HEATR4: variants seen among roughly 807,000 people sequenced by gnomAD.
The protein encoded by HEATR4 is HEAT repeat containing 4.
Under a neutral mutation model 108.8 loss-of-function variants are expected in HEATR4, and 95 were observed. The ratio of observed to expected loss-of-function variants is 0.87; its 90% CI spans 0.74 to 1.04. The LOEUF (loss-of-function observed/expected upper bound fraction) is 1.04. Among genes scored for constraint, HEATR4 ranks in the 50% least tolerant of loss-of-function variants. The pLI is 0.00. For missense variants in HEATR4, 1,152 were observed against 1,253.8 expected, an observed-to-expected ratio of 0.92 and a Z score of 1.23; for synonymous variants, 443 against 459.4, an observed-to-expected ratio of 0.96 and a Z score of 0.46.
chr14:73,492,744 T>C lies in HEATR4; in HGVS notation c.2844+322A>G. ...TATTACACAGTGGAAAACTCCCGTG[T>C]GTATCATCTGGAAGAACCCAAGTGC... is the stretch of plus-strand genomic sequence containing the variant. On this transcript the variant is annotated intron_variant, in intron 17 of 17. Coordinates refer to ENST00000553558, the MANE Select transcript of HEATR4 (RefSeq NM_001220484.1). This position sits in a 1 kb window ranked among gnomAD's most constrained non-coding sequence, Gnocchi z 4.9. 1 of 1,613,936 alleles carries C rather than the reference T, an allele frequency of 6.2e-7. No individual in the cohort carries two copies. The highest frequency in any genetic ancestry group is 1.1e-5 in the South Asian group (1 of 91,074).
chr14:73,616,344 G>T, the HEATR4 span, among the ~76,000 whole-genome samples: 5 of 151,112 alleles, frequency 3.3e-5, no homozygotes, highest in African/African-American at 1.2e-4. Flanking sequence ...TTGAGATAGA[G>T]TCTCACTCTG....
intron 17 of HEATR4, among the ~76,000 whole-genome samples, chr14:73,490,785 G>A (rs1036597200): frequency 2.6e-5 from 4 of 152,254 alleles, no homozygotes; most frequent in African/African-American, 9.6e-5. Flanking sequence ...CTCTCTGAGT[G>A]TAGATTCCTT....
At chr14:73,567,362 G>A in the HEATR4 span, among the ~76,000 whole-genome samples, 7 of 152,224 alleles carry the variant, frequency 4.6e-5, no homozygotes, top group East Asian at 1.3e-3. Flanking sequence ...TGGGCTTCTG[G>A]GTTGGGTGGG....
chr14:73,612,851 G>A, the HEATR4 span: 61 of 1,418,598 alleles, frequency 4.3e-5, no homozygotes, highest in Non-Finnish European at 5.5e-5. Flanking sequence ...GGTGCGGCTG[G>A]TGAAGCGCGA....
At chr14:73,629,410 A>C in the HEATR4 span, among the ~76,000 whole-genome samples, 1 of 152,174 alleles carries the variant, frequency 6.6e-6, no homozygotes, top group Non-Finnish European at 1.5e-5. Context: ...CCCTGTATTA[A>C]CAATTATTAT....
At chr14:73,568,464 C>G in the HEATR4 span, among the ~76,000 whole-genome samples, 2 of 151,566 alleles carry the variant, frequency 1.3e-5, no homozygotes, top group Admixed American at 6.6e-5. Flanking sequence ...GAGGCTGAGT[C>G]AGGAAGATGG....
chr14:73,478,550 C>T lies in HEATR4; in HGVS notation c.*56G>A. 1 of 1,133,472 alleles carries T rather than the reference C, an allele frequency of 8.8e-7. No individual in the cohort carries two copies. The allele number at this position is 1,133,472 out of a possible 1,614,324, so 70.2% of individuals were successfully genotyped here. On this transcript the variant is annotated 3_prime_UTR_variant, in exon 18 of 18. Coordinates refer to ENST00000553558, the MANE Select transcript of HEATR4 (RefSeq NM_001220484.1). ...GATTGTACAGTATCAATTAAAAAGA[C>T]CCAATGTGACCAGGTCCACTGCTTC...
chr14:73,608,434 AC>A, the HEATR4 span, among the ~76,000 whole-genome samples: 12 of 152,252 alleles, frequency 7.9e-5, no homozygotes, highest in African/African-American at 2.9e-4. Context: ...TCAGTTCCCA[AC>A]AAGTTCCCCA....
the HEATR4 span, among the ~76,000 whole-genome samples, chr14:73,589,562 G>A: frequency 2.0e-5 from 3 of 152,142 alleles, 1 homozygote; most frequent in South Asian, 6.2e-4. Flanking sequence ...CAAGCGATCC[G>A]CCCAACTCGG....
chr14:73,628,455 T>A, the HEATR4 span, among the ~76,000 whole-genome samples: 1 of 152,038 alleles, frequency 6.6e-6, no homozygotes, highest in Non-Finnish European at 1.5e-5. Flanking sequence ...AGTCTTAGTT[T>A]TAAAAATTGC....
intron 2 of HEATR4, among the ~76,000 whole-genome samples, chr14:73,528,411 A>AAAAAAAAT (rs1888490622): frequency 1.3e-5 from 2 of 148,628 alleles, no homozygotes; most frequent in African/African-American, 4.9e-5. Flanking sequence ...AAAAAAAAAA[A>AAAAAAAAT]AAACTTAAGG....
chr14:73,529,726 T>C (rs1414009060), intron 2 of HEATR4, among the ~76,000 whole-genome samples: 5 of 152,230 alleles, frequency 3.3e-5, no homozygotes, highest in African/African-American at 1.2e-4. Flanking sequence ...TCAAAGTAGG[T>C]TGAGTAACGT....
chr14:73,486,722 T>C (rs953490776), intron 17 of HEATR4, among the ~76,000 whole-genome samples: 13 of 152,026 alleles, frequency 8.6e-5, no homozygotes, highest in Admixed American at 8.5e-4. Context: ...AAGGAACTTA[T>C]AATTTAGTAT....
At chr14:73,499,968 G>A (rs1471247714) in intron 12 of HEATR4, among the ~76,000 whole-genome samples, 12 of 152,198 alleles carry the variant, frequency 7.9e-5, no homozygotes, top group Non-Finnish European at 1.3e-4. Flanking sequence ...GGTGGCTCAC[G>A]CCTGTAATCC....
chr14:73,601,858 T>C, the HEATR4 span, among the ~76,000 whole-genome samples: 2 of 152,106 alleles, frequency 1.3e-5, no homozygotes, highest in African/African-American at 4.8e-5. Flanking sequence ...TTTTAAATAG[T>C]AATAGTTAAA....
chr14:73,556,229 G>A (rs1384062793), intron 1 of HEATR4, among the ~76,000 whole-genome samples: 1 of 112,416 alleles, frequency 8.9e-6, no homozygotes. Context: ...TTCAAGAGCA[G>A]CATGGCCAAC....
chr14:73,616,259 C>T, the HEATR4 span, among the ~76,000 whole-genome samples: 1 of 151,950 alleles, frequency 6.6e-6, no homozygotes, highest in Non-Finnish European at 1.5e-5. Flanking sequence ...TGAACCACCA[C>T]ACCTGGCCTC....
At chr14:73,595,007 G>C in the HEATR4 span, 4 of 1,603,684 alleles carry the variant, frequency 2.5e-6, no homozygotes, top group Non-Finnish European at 3.4e-6. Flanking sequence ...ACCCAATCTG[G>C]ATAAGTTATT....
the HEATR4 span, chr14:73,595,669 G>A: frequency 2.0e-6 from 3 of 1,510,892 alleles, no homozygotes; most frequent in Non-Finnish European, 2.7e-6. Context: ...TTTGTCTGTT[G>A]TTGACATGAG....
Sources: gnomAD v4.1 joint callset for allele counts (sites outside exome capture counted in the v4.1 genomes callset) on GRCh38, gnomAD v4.1.1 for gene constraint, Gnocchi (gnomAD v3.1) non-coding constraint, MANE v1.5 for transcripts, NCBI Gene and HGNC (gene_info 2026-07-23, HGNC 2026-07-21) for gene names.